Variants in PDS5B observed in about 807,000 individuals in gnomAD.
PDS5B encodes the protein sister chromatid cohesion protein PDS5 homolog B.
PDS5B carries 51 observed loss-of-function variants against 184.1 expected under a neutral mutation model. The observed-to-expected ratio is 0.28, with a 90% CI of 0.22 to 0.35. The LOEUF is 0.35. Among genes scored for constraint, PDS5B ranks in the 10% least tolerant of loss-of-function variants. The probability of loss-of-function intolerance (pLI) is 1.00; values close to 1 mark genes in which losing one functional copy is unlikely to be tolerated. For synonymous variants in PDS5B, 566 were observed against 569.2 expected (o/e 0.99, Z 0.08); for missense variants, 1,180 against 1,723.3 (o/e 0.68, Z 5.58).
chr13:32,719,564 G>A (rs930988241), intron 19 of PDS5B, among the ~76,000 whole-genome samples: 20 of 151,958 alleles, frequency 1.3e-4, no homozygotes, highest in African/African-American at 4.4e-4. Flanking sequence ...ACCATGTATG[G>A]TATGGTTCTA....
intron 29 of PDS5B, among the ~76,000 whole-genome samples, 148 bp from the exon 30 acceptor site, chr13:32,760,422 ATTTAG>A: frequency 6.6e-6 from 1 of 152,328 alleles, no homozygotes; most frequent in East Asian, 1.9e-4. Context: ...TTCAAGTGAT[ATTTAG>A]TTTATACTTA....
intron 20 of PDS5B, among the ~76,000 whole-genome samples, chr13:32,734,898 C>T (rs887559034): frequency 6.6e-6 from 1 of 152,034 alleles, no homozygotes; most frequent in African/African-American, 2.4e-5. Flanking sequence ...AAGTCTGTGT[C>T]GAAATGTTTC....
At position 32,597,249 on chromosome 13, in the gene PDS5B, C is replaced by T. The variant is rs186651076; in HGVS notation, c.-20+10656C>T. 2.9e-4 allele frequency among the ~76,000 whole-genome samples: 43 copies of T among 150,350 alleles called. 1 individual carries two copies. In the East Asian group the frequency reaches 5.1e-3, roughly 18 times the overall value. On this transcript the variant is annotated intron_variant, in intron 1 of 34. Coordinates refer to ENST00000315596, the MANE Select transcript of PDS5B (RefSeq NM_015032.4). ...TGTAGAGATGGGGTTCGCCATGTTG[C>T]CCAGGCTGGTGTTGAACTCCTAGGC...
rs773397540 is a variant in PDS5B at position 32,770,301 on chromosome 13, A to C, written c.3805A>C (p.Arg1269=). The change falls in exon 32 of 35, where the codon AGG becomes CGG. Residue 1269 remains arginine (R), a synonymous_variant. Coordinates refer to ENST00000315596, the MANE Select transcript of PDS5B (RefSeq NM_015032.4). ...TGAACAGCAGTGGCCTGAGGAAAAG[A>C]GGCTCAAAGAAGATATATTAGAAAA... ...SDEQQWPEEK[R]LKEDILENED... is the part of the protein sequence containing the mutation. 1.5e-5 allele frequency: 25 copies of C among 1,613,990 alleles called. No homozygotes were observed. Among genetic ancestry groups the C allele is most frequent in the Non-Finnish European group, 2.0e-5 (24 of 1,180,018 alleles).
intron 7 of PDS5B, among the ~76,000 whole-genome samples, chr13:32,668,553 T>A (rs996423877): frequency 2.6e-5 from 4 of 152,180 alleles, no homozygotes; most frequent in Non-Finnish European, 5.9e-5. Context: ...AGTATTCATA[T>A]TATATTCTGT....
intron 19 of PDS5B, among the ~76,000 whole-genome samples, chr13:32,715,114 ATAGT>A (rs1952333657): frequency 6.6e-6 from 1 of 152,202 alleles, no homozygotes; most frequent in African/African-American, 2.4e-5. Flanking sequence ...TTCCTGCAAC[ATAGT>A]TAGGTCAGCG....
At position 32,775,669 on chromosome 13, in the gene PDS5B, C is replaced by A; in HGVS notation, c.*617C>A. ...CAGAAGGATGCCTCTGATAGGAGGA[C>A]AACCATGCAAATTGTGAAATAGTCC... On this transcript the variant is annotated 3_prime_UTR_variant, in exon 35 of 35. Transcript: ENST00000315596. The A allele has an allele frequency of 2.2e-6, 1 of 456,278 alleles. No homozygotes were observed. The highest frequency in any genetic ancestry group is 1.5e-5 in the South Asian group (1 of 64,524). The allele number at this position is 456,278 out of a possible 1,614,324, so 28.3% of individuals were successfully genotyped here. A position where few individuals can be genotyped will look rare whatever the true frequency, so the allele number is the denominator to read the frequency against.
At chr13:32,602,190 C>T (rs770472857) in intron 1 of PDS5B, among the ~76,000 whole-genome samples, 2 of 151,846 alleles carry the variant, frequency 1.3e-5, no homozygotes, top group Non-Finnish European at 2.9e-5. Context: ...TGTGCTGCAC[C>T]TGTTAACTCG....
At chr13:32,609,622 G>GT (rs1011062766) in intron 1 of PDS5B, among the ~76,000 whole-genome samples, 20 of 152,190 alleles carry the variant, frequency 1.3e-4, no homozygotes, top group African/African-American at 4.3e-4. Flanking sequence ...CATGGAAATA[G>GT]TAAGTGGTGT....
At chr13:32,734,759 T>G (rs1056423333) in intron 20 of PDS5B, among the ~76,000 whole-genome samples, 1 of 152,228 alleles carries the variant, frequency 6.6e-6, no homozygotes, top group Non-Finnish European at 1.5e-5. Context: ...CTCATTCATA[T>G]ATCCTCACTT....
chr13:32,670,346 A>G (rs991451269), intron 7 of PDS5B, among the ~76,000 whole-genome samples: 2 of 152,116 alleles, frequency 1.3e-5, no homozygotes, highest in African/African-American at 4.8e-5. Flanking sequence ...CCTCCTGAGT[A>G]GCTGGGACTA....
chr13:32,661,121 T>C (rs538628213), intron 6 of PDS5B, among the ~76,000 whole-genome samples: 32 of 152,192 alleles, frequency 2.1e-4, no homozygotes, highest in Non-Finnish European at 4.3e-4. Context: ...CAGTAGCTCA[T>C]ACCTGTAATC....
chr13:32,665,640 AGATAGG>A (rs1555298455), intron 6 of PDS5B, among the ~76,000 whole-genome samples: 53 of 149,972 alleles, frequency 3.5e-4, no homozygotes, highest in Non-Finnish European at 6.8e-4. Flanking sequence ...TACAACCTCA[AGATAGG>A]AATGAATTTC....
chr13:32,774,504 T>C (rs192321165), intron 34 of PDS5B, among the ~76,000 whole-genome samples: 112 of 152,354 alleles, frequency 7.4e-4, no homozygotes, highest in Non-Finnish European at 1.2e-3. Flanking sequence ...ATTGTTAATA[T>C]TGACATTTTT....
Position 32,624,564 on chromosome 13 carries a change from G to A in PDS5B, c.-19-24190G>A, listed in dbSNP as rs185745885. ...TTAAACATTCATATTTTGTATTTTG[G>A]CAATGAGGTTATAATATCTGAATTC... On this transcript the variant is annotated intron_variant, in intron 1 of 34. Transcript: ENST00000315596. 1.5e-4 allele frequency among the ~76,000 whole-genome samples: 23 copies of A among 152,152 alleles called. No homozygotes were observed. The East Asian group carries it at 4.4e-3, about 29-fold the overall frequency.
In PDS5B at chr13:32,770,508, G is replaced by A; in HGVS notation, c.4012G>A (p.Glu1338Lys). 1 of 1,610,436 alleles carries A rather than the reference G, an allele frequency of 6.2e-7. No individual in the cohort carries two copies. ...EEEERQSGNT[E>K]QKSKSKQHRV... ...AGAAGAAAGACAAAGTGGAAATACGGAACAGAAGTCCAAAAGCAAACAGCA... is the reference window on the plus strand; with the variant it reads ...AGAAGAAAGACAAAGTGGAAATACGAAACAGAAGTCCAAAAGCAAACAGCA... The change falls in exon 32 of 35, where the codon GAA becomes AAA. Residue 1338 changes from glutamate to lysine, a missense_variant. Physicochemically the swap from Glu to Lys is moderately conservative, Grantham distance 56. This residue lies in a region of PDS5B where 465 missense variants were observed against 497.8 expected (regional missense o/e 0.93). Transcript: ENST00000315596.
intron 19 of PDS5B, among the ~76,000 whole-genome samples, chr13:32,728,069 C>T (rs1952971408): frequency 6.6e-6 from 1 of 151,548 alleles, no homozygotes; most frequent in African/African-American, 2.4e-5. Context: ...GTATAATCTG[C>T]TTTTAATTCC....
intron 1 of PDS5B, among the ~76,000 whole-genome samples, chr13:32,598,770 C>CTCTT: frequency 7.9e-6 from 1 of 126,362 alleles, no homozygotes; most frequent in Middle Eastern, 4.0e-3. Flanking sequence ...TTTTTTCTCT[C>CTCTT]TTTTTTTTTT....
intron 1 of PDS5B, among the ~76,000 whole-genome samples, chr13:32,633,387 T>C (rs573165821): frequency 1.3e-5 from 2 of 152,340 alleles, no homozygotes; most frequent in African/African-American, 4.8e-5. Flanking sequence ...TTATTTGATA[T>C]GTGAATTCTG....
Sources: allele counts gnomAD v4.1 joint callset (sites outside exome capture counted in the v4.1 genomes callset), GRCh38; gene constraint gnomAD v4.1.1; regional missense constraint gnomAD v4.1.1; transcripts MANE v1.5; gene names NCBI Gene and HGNC (gene_info 2026-07-23, HGNC 2026-07-21).